WDPCP: variants seen among roughly 807,000 people sequenced by gnomAD.
WDPCP encodes WD repeat-containing and planar cell polarity effector protein fritz homolog.
Under a neutral mutation model 93.1 loss-of-function variants are expected in WDPCP, and 71 were observed. The observed-to-expected ratio is 0.76, with a 90% CI of 0.63 to 0.93. The LOEUF (loss-of-function observed/expected upper bound fraction) is 0.93. Ranked by LOEUF, WDPCP falls within the 40% of genes least tolerant of loss-of-function variation. The probability of loss-of-function intolerance (pLI) is 0.00; values close to 1 mark genes in which losing one functional copy is unlikely to be tolerated. For missense variants in WDPCP, 844 were observed against 887.4 expected (o/e 0.95, Z 0.62); for synonymous variants, 315 against 315.0 (o/e 1.00, Z 0.00).
intron 3 of WDPCP, chr2:63,643,598 G>T (rs1710010487): frequency 4.6e-6 from 2 of 439,306 alleles, no homozygotes; most frequent in Non-Finnish European, 8.9e-6. Flanking sequence ...AGGGGATCAG[G>T]GTAGTGGATA....
intron 2 of WDPCP, among the ~76,000 whole-genome samples, chr2:63,783,955 C>G (rs1411832169): frequency 6.6e-6 from 1 of 152,178 alleles, no homozygotes; most frequent in Non-Finnish European, 1.5e-5. Context: ...ATTTCCCTGA[C>G]TTAGCCAAAT....
chr2:63,295,880 C>A (rs1250320467), intron 13 of WDPCP, among the ~76,000 whole-genome samples: 2 of 115,256 alleles, frequency 1.7e-5, no homozygotes, highest in Non-Finnish European at 3.5e-5. Context: ...GAAACTATTC[C>A]AAAAAAAAAA....
chr2:63,183,727 GAA>G (rs2104121184), intron 14 of WDPCP, among the ~76,000 whole-genome samples: 1 of 152,092 alleles, frequency 6.6e-6, no homozygotes, highest in East Asian at 1.9e-4. Flanking sequence ...GTACAGTGTT[GAA>G]GTCTCCCACC....
chr2:63,246,503 G>T (rs754071493), intron 14 of WDPCP, among the ~76,000 whole-genome samples: 2 of 152,166 alleles, frequency 1.3e-5, no homozygotes, highest in Non-Finnish European at 2.9e-5. Context: ...TCAATGAAGA[G>T]TAAATATAAA....
intron 13 of WDPCP, among the ~76,000 whole-genome samples, chr2:63,292,025 C>T (rs1575073572): frequency 1.4e-5 from 2 of 140,552 alleles, no homozygotes; most frequent in African/African-American, 2.6e-5. Context: ...CCCAGCTACT[C>T]GGGAGGCTGA....
chr2:63,627,673 C>T (rs1375975785), intron 3 of WDPCP, among the ~76,000 whole-genome samples: 2 of 152,176 alleles, frequency 1.3e-5, no homozygotes, highest in Non-Finnish European at 2.9e-5. Context: ...AGTGGGACTT[C>T]GGAGCAGAGT....
intron 12 of WDPCP, among the ~76,000 whole-genome samples, chr2:63,361,287 A>G (rs1246771114): frequency 6.6e-6 from 1 of 152,228 alleles, no homozygotes; most frequent in Non-Finnish European, 1.5e-5. Context: ...AATCAAGACT[A>G]AACAGTGTAT....
intron 2 of WDPCP, among the ~76,000 whole-genome samples, chr2:63,778,683 A>G (rs995249768): frequency 6.6e-6 from 1 of 152,122 alleles, no homozygotes; most frequent in African/African-American, 2.4e-5. Context: ...TGTTCTTTTT[A>G]TATCTCAAAC....
At chr2:63,320,955 A>G (rs1282978765) in intron 12 of WDPCP, among the ~76,000 whole-genome samples, 1 of 152,136 alleles carries the variant, frequency 6.6e-6, no homozygotes, top group East Asian at 1.9e-4. Context: ...ATATACAAAC[A>G]CAGATAGTTT....
chr2:63,646,086 C>T (rs940986005), intron 3 of WDPCP, among the ~76,000 whole-genome samples: 2 of 152,026 alleles, frequency 1.3e-5, no homozygotes, highest in Admixed American at 1.3e-4. Flanking sequence ...TTCTTTCTTC[C>T]CTTCCTGTCT....
At chr2:63,205,495 A>G (rs1417327131) in intron 14 of WDPCP, among the ~76,000 whole-genome samples, 1 of 151,992 alleles carries the variant, frequency 6.6e-6, no homozygotes, top group Non-Finnish European at 1.5e-5. Flanking sequence ...GTTCTCTTCA[A>G]TTTCTTTCAT....
At chr2:63,655,551 T>A (rs1710158218) in intron 2 of WDPCP, among the ~76,000 whole-genome samples, 1 of 152,118 alleles carries the variant, frequency 6.6e-6, no homozygotes, top group African/African-American at 2.4e-5. Context: ...TTAAGAGGGG[T>A]TAATTTTTAT....
chr2:63,790,838 G>C (rs971763091), intron 2 of WDPCP, among the ~76,000 whole-genome samples: 6 of 152,200 alleles, frequency 3.9e-5, no homozygotes, highest in African/African-American at 1.4e-4. Context: ...AGACCTCTTA[G>C]TAAGGGGAAA....
At chr2:63,555,249 G>A (rs1209677483) in intron 1 of WDPCP, among the ~76,000 whole-genome samples, 1 of 152,200 alleles carries the variant, frequency 6.6e-6, no homozygotes, top group Non-Finnish European at 1.5e-5. Flanking sequence ...TCTTGAGGCC[G>A]GACCCTGACC....
intron 2 of WDPCP, among the ~76,000 whole-genome samples, chr2:63,755,816 T>C (rs960720401): frequency 6.6e-6 from 1 of 152,126 alleles, no homozygotes; most frequent in African/African-American, 2.4e-5. Context: ...ATAGGGAAAA[T>C]ATAATTTGTC....
chr2:63,167,537 A>G (rs1673076064), intron 15 of WDPCP, among the ~76,000 whole-genome samples: 1 of 152,132 alleles, frequency 6.6e-6, no homozygotes, highest in Non-Finnish European at 1.5e-5. Flanking sequence ...TTGTTTAATA[A>G]AAGGTTTTAA....
chr2:63,786,245 C>G (rs1460823982), intron 2 of WDPCP, among the ~76,000 whole-genome samples: 2 of 152,182 alleles, frequency 1.3e-5, no homozygotes, highest in Non-Finnish European at 2.9e-5. Flanking sequence ...CTCCTGGGCT[C>G]AAGCAATCCT....
intron 14 of WDPCP, among the ~76,000 whole-genome samples, chr2:63,249,104 G>T (rs1680514237): frequency 6.6e-6 from 1 of 151,866 alleles, no homozygotes; most frequent in Admixed American, 6.6e-5. Flanking sequence ...CTTGTGGGGT[G>T]TGTGTGTGTG....
chr2:63,532,742 C>A (rs1703957413), intron 1 of WDPCP, among the ~76,000 whole-genome samples: 1 of 152,120 alleles, frequency 6.6e-6, no homozygotes, highest in Non-Finnish European at 1.5e-5. Context: ...ATGGTACCAG[C>A]CACTGCAAAA....
Sources: allele counts gnomAD v4.1 joint callset (sites outside exome capture counted in the v4.1 genomes callset), GRCh38; gene constraint gnomAD v4.1.1; transcripts MANE v1.5; gene names NCBI Gene and HGNC (gene_info 2026-07-23, HGNC 2026-07-21).